Variants in NETO1 observed in about 807,000 individuals in gnomAD.
The protein encoded by NETO1 is neuropilin and tolloid like 1.
Under a neutral mutation model 61.3 loss-of-function variants are expected in NETO1, and 26 were observed. The ratio of observed to expected loss-of-function variants is 0.42; its 90% CI spans 0.31 to 0.59. The LOEUF (loss-of-function observed/expected upper bound fraction) is 0.59, where lower values mean the gene tolerates loss of function less well. Among genes scored for constraint, NETO1 ranks in the 20% least tolerant of loss-of-function variants. NETO1 has a pLI of 0.12. For missense variants in NETO1, 531 were observed against 662.8 expected (o/e 0.80, Z 2.18); for synonymous variants, 225 against 225.8 (o/e 1.00, Z 0.03).
At chr18:72,867,103 A>T in intron 1 of NETO1, 161 bp downstream of exon 1, 1 of 518,660 alleles carries the variant, frequency 1.9e-6, no homozygotes, top group African/African-American at 2.0e-5. Context: ...GCCCGGTTCC[A>T]CGATGCTGCA....
Position 72,773,699 on chromosome 18 carries a change from A to C in NETO1, c.868+9979T>G, listed in dbSNP as rs1053586364. On this transcript the variant is annotated intron_variant, in intron 7 of 10. Coordinates refer to ENST00000327305, the MANE Select transcript of NETO1 (RefSeq NM_138966.5). The stretch of plus-strand genomic sequence containing the variant: ...TTCTCTCTCCTGCTGCCCTGTGAAG[A>C]GGTGCCTTCCGCCATGATTGTGAGT... Among the ~76,000 whole-genome samples, 24 of 152,066 alleles carry C rather than the reference A, an allele frequency of 1.6e-4. 1 individual carries two copies. Among genetic ancestry groups the C allele is most frequent in the Non-Finnish European group, 3.2e-4 (22 of 68,010 alleles).
intron 9 of NETO1, 22 bp from the exon 10 acceptor site, chr18:72,749,110 A>C (rs1208008401): frequency 1.4e-6 from 2 of 1,437,622 alleles, no homozygotes; most frequent in Non-Finnish European, 9.7e-7. Flanking sequence ...TGGCTATTTC[A>C]TTCAACAAAG....
intron 8 of NETO1, among the ~76,000 whole-genome samples, chr18:72,753,701 TCTTCA>T (rs1023623178): frequency 6.6e-6 from 1 of 152,176 alleles, no homozygotes; most frequent in Non-Finnish European, 1.5e-5. Flanking sequence ...TCTTCTGCAG[TCTTCA>T]CTTAACTCTT....
In NETO1 at chr18:72,846,427, C is replaced by T. The variant is rs1361959132; in HGVS notation, c.469+12399G>A. On this transcript the variant is annotated intron_variant, in intron 4 of 10. Coordinates refer to ENST00000327305, the MANE Select transcript of NETO1 (RefSeq NM_138966.5). ...GGCTGAGGCAGGAGAATCGCTTGAA[C>T]CTGGGAGGCGGAGGTTGCAGTGAAC... 3.7e-4 allele frequency among the ~76,000 whole-genome samples: 51 copies of T among 139,292 alleles called. 1 individual carries two copies. Among genetic ancestry groups the T allele is most frequent in the Admixed American group, 3.2e-4 (4 of 12,672 alleles). 91.4% of individuals were successfully genotyped at this position (139,292 alleles called of 152,430 possible).
intron 4 of NETO1, among the ~76,000 whole-genome samples, chr18:72,857,876 G>C (rs1293197815): frequency 6.6e-6 from 1 of 152,032 alleles, no homozygotes; most frequent in African/African-American, 2.4e-5. Flanking sequence ...CATAATGAAA[G>C]TCATCATTAA....
In NETO1 at chr18:72,744,658, G is replaced by A. The variant is rs143279977; in HGVS notation, c.*3521C>T. ...AAAGCATATTTATTTAGAATTCAAA[G>A]AATTTTAAAAATGTTGTTTATTTAA... On this transcript the variant is annotated 3_prime_UTR_variant, in exon 11 of 11. Coordinates refer to ENST00000327305, the MANE Select transcript of NETO1 (RefSeq NM_138966.5). The A allele has an allele frequency of 3.3e-3, 495 of 152,190 alleles. 2 individuals carry two copies. The highest frequency in any genetic ancestry group is 0.011 in the African/African-American group (471 of 41,544). The allele number at this position is 152,190 out of a possible 1,614,324, so 9.4% of individuals were successfully genotyped here. A position where few individuals can be genotyped will look rare whatever the true frequency, so the allele number is the denominator to read the frequency against.
rs183711155 is a variant in NETO1, at chr18:72,838,251, T to C, written c.469+20575A>G. Among the ~76,000 whole-genome samples the C allele has an allele frequency of 3.9e-5, 6 of 152,366 alleles. No individual in the cohort carries two copies. In the East Asian group the frequency reaches 1.2e-3, roughly 29 times the overall value. The stretch of plus-strand genomic sequence containing the variant: ...AGCTGGTGATATCTGTGGTTAACTC[T>C]AGGCTTCAGATGAATACATTGTGAG... On this transcript the variant is annotated intron_variant, in intron 4 of 10. Coordinates refer to ENST00000327305, the MANE Select transcript of NETO1 (RefSeq NM_138966.5).
At chr18:72,855,402 C>T (rs1014319039) in intron 4 of NETO1, among the ~76,000 whole-genome samples, 2 of 152,148 alleles carry the variant, frequency 1.3e-5, no homozygotes, top group Admixed American at 6.5e-5. Flanking sequence ...GGTGATTCAC[C>T]GCTGCACTGT....
At chr18:72,759,746 G>T (rs1223210408) in intron 7 of NETO1, among the ~76,000 whole-genome samples, 2 of 151,994 alleles carry the variant, frequency 1.3e-5, no homozygotes, top group Non-Finnish European at 2.9e-5. Flanking sequence ...CATATTCCTC[G>T]ACCAATTTAC....
intron 7 of NETO1, among the ~76,000 whole-genome samples, chr18:72,781,129 T>A (rs909713759): frequency 6.6e-6 from 1 of 152,184 alleles, no homozygotes; most frequent in African/African-American, 2.4e-5. Context: ...TTATCATATG[T>A]CTCTATTATA....
chr18:72,808,585 G>A (rs2072759514), intron 4 of NETO1, among the ~76,000 whole-genome samples: 1 of 152,126 alleles, frequency 6.6e-6, no homozygotes, highest in African/African-American at 2.4e-5. Flanking sequence ...GAAAAGTTAT[G>A]CTTTCTCAAA....
At chr18:72,849,278 C>T (rs2074180449) in intron 4 of NETO1, among the ~76,000 whole-genome samples, 1 of 152,164 alleles carries the variant, frequency 6.6e-6, no homozygotes, top group African/African-American at 2.4e-5. Flanking sequence ...TTCTACTAAG[C>T]TTTGTGATTC....
At position 72,790,312 on chromosome 18, in the gene NETO1, C is replaced by G. The variant is rs116980968; in HGVS notation, c.639+3805G>C. ...TCACACCGTACCCCATAAATATAAA[C>G]AAGTATTATTTGTCAATTAAAAATA... On this transcript the variant is annotated intron_variant, in intron 6 of 10. Transcript: ENST00000327305. Among the ~76,000 whole-genome samples the G allele has an allele frequency of 2.8e-4, 42 of 152,054 alleles. No individual in the cohort carries two copies. The East Asian group carries it at 6.4e-3, about 23-fold the overall frequency.
chr18:72,858,801 A>T (rs199755462), intron 4 of NETO1, 25 bp downstream of exon 4: 31 of 1,506,206 alleles, frequency 2.1e-5, no homozygotes, highest in Admixed American at 6.3e-5. Context: ...AGAAAAAGAA[A>T]TTTTTTTTTT....
chr18:72,860,234 T>C (rs745782216), intron 3 of NETO1, among the ~76,000 whole-genome samples: 3 of 152,230 alleles, frequency 2.0e-5, no homozygotes, highest in Non-Finnish European at 4.4e-5. Flanking sequence ...GCTTCCCTGC[T>C]ACTTGGCCCT....
chr18:72,756,680 T>TA (rs1367968950), intron 7 of NETO1, among the ~76,000 whole-genome samples: 1 of 151,944 alleles, frequency 6.6e-6, no homozygotes, highest in Non-Finnish European at 1.5e-5. Flanking sequence ...CTGAACAACA[T>TA]AAAAAATATA....
intron 7 of NETO1, among the ~76,000 whole-genome samples, chr18:72,766,574 CT>C (rs1211391530): frequency 6.6e-6 from 1 of 151,948 alleles, no homozygotes; most frequent in African/African-American, 2.4e-5. Flanking sequence ...TCCAATATGA[CT>C]TTTACTTTGA....
At chr18:72,846,532 A>AAAAAG in intron 4 of NETO1, among the ~76,000 whole-genome samples, 1 of 149,400 alleles carries the variant, frequency 6.7e-6, no homozygotes, top group South Asian at 2.1e-4. Flanking sequence ...AAAAAAAAAA[A>AAAAAG]AAGAAGATGC....
chr18:72,846,012 T>C lies in NETO1; in HGVS notation c.469+12814A>G, dbSNP rs150018680. Reference sequence around the variant, plus strand: ...AAACTAAATACCCTGTCTATTCGTATAATCACTACATATCTCCTACGCTGA... The same window carrying C: ...AAACTAAATACCCTGTCTATTCGTACAATCACTACATATCTCCTACGCTGA... On this transcript the variant is annotated intron_variant, in intron 4 of 10. Transcript: ENST00000327305. Among the ~76,000 whole-genome samples the C allele has an allele frequency of 5.8e-3, 879 of 152,250 alleles. 10 individuals carry two copies. Among genetic ancestry groups the C allele is most frequent in the African/African-American group, 0.019 (805 of 41,544 alleles).
Sources: allele counts gnomAD v4.1 joint callset (sites outside exome capture counted in the v4.1 genomes callset), GRCh38; gene constraint gnomAD v4.1.1; transcripts MANE v1.5; gene names NCBI Gene and HGNC (gene_info 2026-07-23, HGNC 2026-07-21).